The following TJP1 variants were observed in gnomAD, a reference collection of about 807,000 sequenced individuals.
The protein encoded by TJP1 is tight junction protein ZO-1.
Under a neutral mutation model 194.2 loss-of-function variants are expected in TJP1, and 43 were observed. The observed-to-expected ratio is 0.22, with a 90% CI of 0.17 to 0.29. TJP1 has a LOEUF of 0.29. TJP1 is among the 10% of genes least tolerant of loss of function. The pLI is 1.00. For missense variants in TJP1, 1,971 were observed against 2,185.7 expected (o/e 0.90, Z 1.96); for synonymous variants, 801 against 779.0 (o/e 1.03, Z -0.47).
At chr15:29,777,366 A>G (rs2047081848) in intron 2 of TJP1, among the ~76,000 whole-genome samples, 1 of 152,210 alleles carries the variant, frequency 6.6e-6, no homozygotes, top group South Asian at 2.1e-4. Context: ...AAATACCTTC[A>G]TATTGAATAA....
chr15:29,908,285 C>T (rs994814386), intron 2 of TJP1, among the ~76,000 whole-genome samples: 5 of 152,174 alleles, frequency 3.3e-5, no homozygotes, highest in African/African-American at 1.2e-4. Context: ...AGCCTAAAAG[C>T]TTCCAAAGAG....
chr15:29,750,430 C>T (rs900426955), intron 8 of TJP1, among the ~76,000 whole-genome samples: 7 of 152,174 alleles, frequency 4.6e-5, no homozygotes, highest in African/African-American at 1.4e-4. Context: ...TGAGCCACTG[C>T]GCCCAGCCCT....
intron 13 of TJP1, 82 bp downstream of exon 13, chr15:29,733,012 T>C: frequency 2.7e-6 from 4 of 1,471,142 alleles, no homozygotes; most frequent in South Asian, 1.2e-5. Context: ...TTCTTTACAT[T>C]ACCAAAATTT....
intron 2 of TJP1, among the ~76,000 whole-genome samples, chr15:29,797,037 A>G (rs2048458783): frequency 6.6e-6 from 1 of 152,262 alleles, no homozygotes; most frequent in Non-Finnish European, 1.5e-5. Flanking sequence ...TTTTAAAGGA[A>G]AACAGAGGAA....
At chr15:29,831,349 A>C (rs1199455990) in intron 2 of TJP1, among the ~76,000 whole-genome samples, 2 of 152,228 alleles carry the variant, frequency 1.3e-5, no homozygotes, top group African/African-American at 4.8e-5. Flanking sequence ...ACTGAAGGCA[A>C]GACAAGCAAA....
Position 29,733,206 on chromosome 15 carries a change from C to T in TJP1, c.1624G>A (p.Val542Met). ...TACAAGGTATCCACAACACGGAACACCTCTCCTTTGTTAAAACTAAGTCCA... is the reference window on the plus strand; with the variant it reads ...TACAAGGTATCCACAACACGGAACATCTCTCCTTTGTTAAAACTAAGTCCA... ...PYGLSFNKGEVFRVVDTLYNG... is the reference protein window; with the variant it reads ...PYGLSFNKGEMFRVVDTLYNG... Residue 542 changes from valine (V) to methionine (M), a missense_variant, in exon 13 of 28, where the codon GTG (valine) becomes ATG (methionine). Coordinates refer to ENST00000614355, the MANE Select transcript of TJP1 (RefSeq NM_001330239.4). The T allele has an allele frequency of 6.2e-7, 1 of 1,614,106 alleles. No homozygotes were observed. Among genetic ancestry groups the T allele is most frequent in the Non-Finnish European group, 8.5e-7 (1 of 1,179,990 alleles).
At chr15:29,821,073 T>G (rs373925613) in intron 1 of TJP1, among the ~76,000 whole-genome samples, 1 of 152,242 alleles carries the variant, frequency 6.6e-6, no homozygotes, top group Non-Finnish European at 1.5e-5. Context: ...GATTTTTTAC[T>G]CCTCACATTT....
Position 29,761,616 on chromosome 15 carries a change from C to A in TJP1, c.847G>T (p.Ala283Ser). ...DLSDSIHSAN[A>S]SERDDISEIQ... ...TCACACTCACCGTCTCTCTCAGAGGCATTAGCAGAGTGGATGCTGTCAGAA... is the reference window on the plus strand; with the variant it reads ...TCACACTCACCGTCTCTCTCAGAGGAATTAGCAGAGTGGATGCTGTCAGAA... Residue 283 changes from alanine (A) to serine (S), a missense_variant, in exon 7 of 28, where the codon GCC (alanine) becomes TCC (serine). By Grantham distance (99) the Ala-to-Ser change is moderately conservative. Coordinates refer to ENST00000614355, the MANE Select transcript of TJP1 (RefSeq NM_001330239.4). 1 of 1,603,636 alleles carries A rather than the reference C, an allele frequency of 6.2e-7. No homozygotes were observed. The highest frequency in any genetic ancestry group is 8.5e-7 in the Non-Finnish European group (1 of 1,171,730).
intron 2 of TJP1, 43 bp downstream of exon 2, chr15:29,800,603 A>T: frequency 6.2e-7 from 1 of 1,601,198 alleles, no homozygotes; most frequent in Non-Finnish European, 8.5e-7. Flanking sequence ...AGCTGCCAGT[A>T]TCCTGAGTTA....
At chr15:29,789,754 G>A (rs1567032026) in intron 2 of TJP1, among the ~76,000 whole-genome samples, 2 of 152,102 alleles carry the variant, frequency 1.3e-5, no homozygotes, top group South Asian at 2.1e-4. Flanking sequence ...GCAATACAGA[G>A]TATCTATACT....
intron 1 of TJP1, 76 bp from the exon 2 acceptor site, chr15:29,800,778 C>CA: frequency 1.4e-6 from 2 of 1,389,462 alleles, no homozygotes; most frequent in Admixed American, 3.6e-5. Context: ...GAACATCCAA[C>CA]AATTCAGCAC....
At chr15:29,905,488 T>C (rs1361558950) in intron 2 of TJP1, among the ~76,000 whole-genome samples, 1 of 152,152 alleles carries the variant, frequency 6.6e-6, no homozygotes, top group Non-Finnish European at 1.5e-5. Context: ...TACCAACCCA[T>C]CCAGCCATCA....
intron 23 of TJP1, among the ~76,000 whole-genome samples, chr15:29,712,809 T>TA (rs746405153): frequency 0.013 from 1,389 of 108,210 alleles, 14 homozygotes; most frequent in African/African-American, 0.027. Context: ...CATGTCCCAT[T>TA]AAAAAAAAAA....
At chr15:29,822,531 C>CGAGGCGAGGCGAGGCGGGGAG (rs1433171478), upstream of TJP1, 8 of 970,322 alleles carry the variant, frequency 8.2e-6, no homozygotes, top group East Asian at 9.3e-4. Flanking sequence ...CTGGACGAGG[C>CGAGGCGAGGCGAGGCGGGGAG]GAGGCGAGGC....
rs1229593649 is a variant in TJP1 at position 29,720,026 on chromosome 15, G to A, written c.2764-10C>T. 1 of 1,585,374 alleles carries A rather than the reference G, an allele frequency of 6.3e-7. No individual in the cohort carries two copies. On this transcript the variant is annotated splice_polypyrimidine_tract_variant and intron_variant, in intron 19 of 27. Transcript: ENST00000614355. ...ATGAAGCTTCTGCTTTCTGTGAAGT[G>A]TTTAAAATATTTTAAATATAGTGTT... is the stretch of plus-strand genomic sequence containing the variant.
At chr15:29,944,262 T>A (rs2055196221) in intron 2 of TJP1, among the ~76,000 whole-genome samples, 1 of 151,298 alleles carries the variant, frequency 6.6e-6, no homozygotes, top group Admixed American at 6.6e-5. Flanking sequence ...CCGGCTAATT[T>A]TTTTTTGTAT....
intron 2 of TJP1, among the ~76,000 whole-genome samples, chr15:29,833,487 G>A (rs148904269): frequency 8.9e-4 from 135 of 151,890 alleles, no homozygotes; most frequent in African/African-American, 2.8e-3. Context: ...TCTGCCTCCC[G>A]GGTTCAAGCA....
chr15:29,843,659 TAAAAC>T (rs1167693251), intron 2 of TJP1, among the ~76,000 whole-genome samples: 1 of 151,980 alleles, frequency 6.6e-6, no homozygotes, highest in East Asian at 1.9e-4. Context: ...AGACAACAAA[TAAAAC>T]AAATAAGAAA....
intron 2 of TJP1, among the ~76,000 whole-genome samples, chr15:29,779,504 T>G (rs1168198658): frequency 2.0e-5 from 3 of 152,192 alleles, no homozygotes; most frequent in Admixed American, 1.3e-4. Flanking sequence ...AAATCTTTTC[T>G]CTTTGCCAAA....
Sources: allele counts gnomAD v4.1 joint callset (sites outside exome capture counted in the v4.1 genomes callset), GRCh38; gene constraint gnomAD v4.1.1; transcripts MANE v1.5; gene names NCBI Gene and HGNC (gene_info 2026-07-23, HGNC 2026-07-21).